Variants in LEMD3 observed in about 807,000 individuals in gnomAD.
The protein encoded by LEMD3 is LEM domain containing 3, also known as inner nuclear membrane protein Man1.
LEMD3 carries 33 observed loss-of-function variants against 95.2 expected under a neutral mutation model. The ratio of observed to expected loss-of-function variants is 0.35; its 90% CI spans 0.26 to 0.46. The LOEUF (loss-of-function observed/expected upper bound fraction) is 0.46. Among genes scored for constraint, LEMD3 ranks in the 20% least tolerant of loss-of-function variants. LEMD3 has a pLI of 1.00. For synonymous variants in LEMD3, 525 were observed against 474.6 expected, an observed-to-expected ratio of 1.11 and a Z score of -1.38; for missense variants, 1,210 against 1,192.8, an observed-to-expected ratio of 1.01 and a Z score of -0.21.
chr12:65,236,768 G>T (rs912146568), intron 4 of LEMD3, among the ~76,000 whole-genome samples: 2 of 151,940 alleles, frequency 1.3e-5, no homozygotes, highest in African/African-American at 4.8e-5. Flanking sequence ...ATAAGGTGTT[G>T]ATTAAAAGTA....
At chr12:65,185,039 T>G (rs75563741) in intron 1 of LEMD3, among the ~76,000 whole-genome samples, 3,761 of 152,142 alleles carry the variant, frequency 0.025, 75 homozygotes, top group Middle Eastern at 0.044. Context: ...CTCAAGTAAT[T>G]ACTCGGGCCT....
Position 65,219,086 on chromosome 12 carries a change from CA to C in LEMD3, c.1695+469del. On this transcript the variant is annotated intron_variant, in intron 4 of 12. Transcript: ENST00000308330. Reference sequence around the variant, plus strand: ...GGATTATAGGCGTGAGCCACCTGTTCAATTTTTTTTAGTTTGTTTTAGAACA... The same window carrying C: ...GGATTATAGGCGTGAGCCACCTGTTCATTTTTTTTAGTTTGTTTTAGAACA... 2.0e-5 allele frequency among the ~76,000 whole-genome samples: 3 copies of C among 152,162 alleles called. No individual in the cohort carries two copies. In the South Asian group the frequency reaches 6.2e-4, roughly 32 times the overall value.
intron 12 of LEMD3, 45 bp downstream of exon 12, chr12:65,245,984 GTTTAAT>G: frequency 6.8e-7 from 1 of 1,470,434 alleles, no homozygotes; most frequent in Non-Finnish European, 9.5e-7. Flanking sequence ...GATAGTTATA[GTTTAAT>G]TTTAAACTAT....
At chr12:65,228,949 T>A (rs549599003) in intron 4 of LEMD3, among the ~76,000 whole-genome samples, 1 of 152,332 alleles carries the variant, frequency 6.6e-6, no homozygotes, top group African/African-American at 2.4e-5. Context: ...CTAGTTATAA[T>A]TTCATTTAAC....
chr12:65,246,226 C>T lies in LEMD3; in HGVS notation c.2637C>T (p.Leu879=), dbSNP rs369210837. ...ACCACCATCGCTTTCCCCAGGCTCT[C>T]ACTTCCAACACTCCATTGAAGCCAT... The part of the protein sequence containing the change: ...DRYHHRFPQA[L]TSNTPLKPSN... The change falls in exon 13 of 13, where the codon CTC becomes CTT. Residue 879 remains leucine, a synonymous_variant. Transcript: ENST00000308330. The T allele has an allele frequency of 2.8e-4, 459 of 1,612,590 alleles. 7 individuals are homozygous for T. The South Asian group carries it at 4.7e-3, about 16-fold the overall frequency.
At chr12:65,172,503 C>G (rs1221512435) in intron 1 of LEMD3, among the ~76,000 whole-genome samples, 1 of 152,010 alleles carries the variant, frequency 6.6e-6, no homozygotes, top group Non-Finnish European at 1.5e-5. Context: ...TACTCTGTTG[C>G]TTAATTACAG....
At chr12:65,226,748 T>G (rs568482403) in intron 4 of LEMD3, among the ~76,000 whole-genome samples, 3 of 152,198 alleles carry the variant, frequency 2.0e-5, no homozygotes, top group Non-Finnish European at 4.4e-5. Context: ...TGAACATGTT[T>G]CTCTGTGAAT....
chr12:65,240,434 C>G, intron 8 of LEMD3, 196 bp downstream of exon 8: 1 of 562,726 alleles, frequency 1.8e-6, no homozygotes, highest in Non-Finnish European at 3.1e-6. Flanking sequence ...TTGAGTGACA[C>G]CTGGATTTCT....
At chr12:65,202,412 A>T (rs1306096946) in intron 1 of LEMD3, among the ~76,000 whole-genome samples, 2 of 151,940 alleles carry the variant, frequency 1.3e-5, no homozygotes, top group Non-Finnish European at 2.9e-5. Flanking sequence ...GACTACATTA[A>T]TTTATTTTCA....
At chr12:65,197,159 A>AT (rs1287906209) in intron 1 of LEMD3, among the ~76,000 whole-genome samples, 1 of 152,122 alleles carries the variant, frequency 6.6e-6, no homozygotes, top group Non-Finnish European at 1.5e-5. Flanking sequence ...TGATTTGCTT[A>AT]ACGTAGGAGC....
At chr12:65,229,233 T>C (rs896717606) in intron 4 of LEMD3, among the ~76,000 whole-genome samples, 1 of 152,254 alleles carries the variant, frequency 6.6e-6, no homozygotes, top group African/African-American at 2.4e-5. Context: ...TTTTATTCTT[T>C]ATTATGGCTG....
intron 1 of LEMD3, among the ~76,000 whole-genome samples, chr12:65,186,164 C>A (rs1219431696): frequency 6.6e-6 from 1 of 152,010 alleles, no homozygotes. Flanking sequence ...GGGTAACTTG[C>A]CTGAGATTCT....
At chr12:65,235,742 C>G (rs1468645668) in intron 4 of LEMD3, among the ~76,000 whole-genome samples, 4 of 152,030 alleles carry the variant, frequency 2.6e-5, no homozygotes, top group Non-Finnish European at 5.9e-5. Flanking sequence ...TCTGTGAATA[C>G]TGAGGTATGA....
chr12:65,194,521 C>T (rs1020801934), intron 1 of LEMD3, among the ~76,000 whole-genome samples: 1 of 151,538 alleles, frequency 6.6e-6, no homozygotes, highest in African/African-American at 2.4e-5. Flanking sequence ...GTAGGGGCTA[C>T]AAGGACCTGT....
chr12:65,238,756 G>T lies in LEMD3; in HGVS notation c.1863G>T (p.Trp621Cys), dbSNP rs1241101354. Residue 621 changes from tryptophan to cysteine, a missense_variant, in exon 6 of 13, where the codon TGG becomes TGT. Trp to Cys is a radical substitution (Grantham distance 215, BLOSUM62 -2). Around this residue, in one of 2 missense-constraint regions of LEMD3, gnomAD observed 461 missense variants for 569.8 expected, o/e 0.81. Coordinates refer to ENST00000308330, the MANE Select transcript of LEMD3 (RefSeq NM_014319.5). The part of the protein sequence containing the change: ...LQSTRPLMSF[W>C]CRFRRAFVTV... Reference sequence around the variant, plus strand: ...CCACAAGACCACTGATGTCTTTTTGGTGTCGTTTTCGACGTGCTTTTGTTA... The same window carrying T: ...CCACAAGACCACTGATGTCTTTTTGTTGTCGTTTTCGACGTGCTTTTGTTA... The T allele has an allele frequency of 6.2e-7, 1 of 1,614,004 alleles. No individual in the cohort carries two copies. Among genetic ancestry groups the T allele is most frequent in the East Asian group, 2.2e-5 (1 of 44,844 alleles).
chr12:65,241,550 A>G (rs1870939690), intron 9 of LEMD3, among the ~76,000 whole-genome samples: 1 of 152,012 alleles, frequency 6.6e-6, no homozygotes, highest in Admixed American at 6.6e-5. Flanking sequence ...CTGCCAAGTA[A>G]CTTTTGTGGG....
At chr12:65,212,536 CAA>C (rs35873080) in intron 2 of LEMD3, among the ~76,000 whole-genome samples, 125 of 103,406 alleles carry the variant, frequency 1.2e-3, no homozygotes, top group Non-Finnish European at 1.5e-3. Context: ...GACTCCATCT[CAA>C]AAAAAAAAAA....
In LEMD3 at chr12:65,246,144, A is replaced by G. The variant is rs1032648740; in HGVS notation, c.2573-18A>G. ...AACAGTTTTACTGATCTAAAATATTATTTTTATCTTACAACAGGGAAATTG... is the reference window on the plus strand; with the variant it reads ...AACAGTTTTACTGATCTAAAATATTGTTTTTATCTTACAACAGGGAAATTG... On this transcript the variant is annotated intron_variant, in intron 12 of 12. Transcript: ENST00000308330. 2 of 1,579,362 alleles carry G rather than the reference A, an allele frequency of 1.3e-6. No homozygotes were observed.
At chr12:65,212,082 C>T (rs531634625) in intron 2 of LEMD3, among the ~76,000 whole-genome samples, 7 of 151,920 alleles carry the variant, frequency 4.6e-5, no homozygotes, top group South Asian at 2.1e-4. Flanking sequence ...ACAGTCGTGG[C>T]GGAAGGTGAA....
Sources: gnomAD v4.1 joint callset for allele counts (sites outside exome capture counted in the v4.1 genomes callset) on GRCh38, gnomAD v4.1.1 for gene constraint, gnomAD v4.1.1 regional missense constraint, MANE v1.5 for transcripts, NCBI Gene and HGNC (gene_info 2026-07-23, HGNC 2026-07-21) for gene names.